Variants in DOK5 observed in about 807,000 individuals in gnomAD.
The protein encoded by DOK5 is downstream of tyrosine kinase 5.
In DOK5, 27 loss-of-function variants were observed where a neutral mutation model predicts 43.3. The ratio of observed to expected loss-of-function variants is 0.62; its 90% CI spans 0.46 to 0.86. DOK5 has a LOEUF of 0.86. DOK5 is among the 40% of genes least tolerant of loss of function. The pLI, the probability that DOK5 is intolerant of heterozygous loss-of-function variation, is 0.00. For missense variants in DOK5, 373 were observed against 392.9 expected (o/e 0.95, Z 0.43); for synonymous variants, 146 against 140.1 (o/e 1.04, Z -0.30).
intron 1 of DOK5, among the ~76,000 whole-genome samples, chr20:54,493,386 C>T (rs1982273236): frequency 1.3e-5 from 2 of 152,174 alleles, no homozygotes; most frequent in Admixed American, 6.5e-5. Context: ...CTTATATGTG[C>T]TCTTCCTATT....
At chr20:54,589,756 C>T (rs918115402) in intron 4 of DOK5, among the ~76,000 whole-genome samples, 2 of 152,120 alleles carry the variant, frequency 1.3e-5, no homozygotes, top group African/African-American at 4.8e-5. Flanking sequence ...AAAATGCTGT[C>T]CCTCCCAATT....
rs11698077 is a variant in DOK5 at position 54,605,024 on chromosome 20, T to G, written c.600-5364T>G. Reference sequence around the variant, plus strand: ...CTCAAAAAAAAAAAATATATATATATACACACACACACACACACACACGTA... The same window carrying G: ...CTCAAAAAAAAAAAATATATATATAGACACACACACACACACACACACGTA... On this transcript the variant is annotated intron_variant, in intron 5 of 7. Coordinates refer to ENST00000262593, the MANE Select transcript of DOK5 (RefSeq NM_018431.5). 9.1e-4 allele frequency among the ~76,000 whole-genome samples: 120 copies of G among 132,470 alleles called. 2 individuals carry two copies. The highest frequency in any genetic ancestry group is 3.7e-3 in the African/African-American group (117 of 31,930). 86.9% of individuals were successfully genotyped at this position (132,470 alleles called of 152,430 possible). A position where few individuals can be genotyped will look rare whatever the true frequency, so the allele number is the denominator to read the frequency against.
At chr20:54,540,283 C>T (rs6098057) in intron 1 of DOK5, among the ~76,000 whole-genome samples, 3,740 of 152,190 alleles carry the variant, frequency 0.025, 149 homozygotes, top group African/African-American at 0.085. Flanking sequence ...TTTGTCCCTA[C>T]GTAATAGAAA....
intron 2 of DOK5, among the ~76,000 whole-genome samples, chr20:54,560,811 G>A (rs557794724): frequency 1.2e-4 from 19 of 152,098 alleles, no homozygotes; most frequent in African/African-American, 3.4e-4. Context: ...TAGTAGAGAC[G>A]GGGTTTCACC....
At chr20:54,618,349 CT>C (rs34232628) in intron 6 of DOK5, among the ~76,000 whole-genome samples, 56,709 of 145,484 alleles carry the variant, frequency 0.39, 12,452 homozygotes, top group African/African-American at 0.6. Context: ...TTTTTTTTCC[CT>C]TTTTTTTTTT....
chr20:54,581,604 A>G (rs1415199708), intron 2 of DOK5, among the ~76,000 whole-genome samples: 1 of 151,824 alleles, frequency 6.6e-6, no homozygotes, highest in East Asian at 1.9e-4. Flanking sequence ...TATTTCATCC[A>G]CTTGGTTATA....
chr20:54,487,759 A>G (rs747586572), intron 1 of DOK5, among the ~76,000 whole-genome samples: 3 of 152,194 alleles, frequency 2.0e-5, no homozygotes, highest in Non-Finnish European at 4.4e-5. Flanking sequence ...ATCACCATGT[A>G]TATGTCACTT....
intron 1 of DOK5, among the ~76,000 whole-genome samples, chr20:54,492,287 C>T (rs1348088525): frequency 6.6e-6 from 1 of 152,044 alleles, no homozygotes; most frequent in Non-Finnish European, 1.5e-5. Context: ...AGTGCGTGTA[C>T]TTGTGTGTAT....
rs184120259 is a variant in DOK5 at position 54,529,293 on chromosome 20, A to G, written c.67-25640A>G. 4.2e-4 allele frequency among the ~76,000 whole-genome samples: 64 copies of G among 152,304 alleles called. No individual in the cohort carries two copies. In the Middle Eastern group the frequency reaches 0.01, roughly 24 times the overall value. On this transcript the variant is annotated intron_variant, in intron 1 of 7. Transcript: ENST00000262593. ...TCCATTGAACAATAATTGCTCTTCA[A>G]TTGCAGTTTTAATATTCTAAACCTC...
At chr20:54,503,466 T>TA (rs1491529670) in intron 1 of DOK5, among the ~76,000 whole-genome samples, 1 of 151,770 alleles carries the variant, frequency 6.6e-6, no homozygotes, top group African/African-American at 2.4e-5. Flanking sequence ...TGATTTTTTT[T>TA]AAAAAAATGG....
intron 6 of DOK5, among the ~76,000 whole-genome samples, chr20:54,618,796 T>C (rs1026694842): frequency 6.6e-6 from 1 of 151,686 alleles, no homozygotes; most frequent in African/African-American, 2.4e-5. Flanking sequence ...GGCAGGAGGA[T>C]TGTTTGAGGC....
intron 6 of DOK5, among the ~76,000 whole-genome samples, chr20:54,634,225 A>G (rs1422924995): frequency 6.8e-6 from 1 of 146,636 alleles, no homozygotes; most frequent in Non-Finnish European, 1.5e-5. Context: ...TTATGAGGAA[A>G]GGGCCTTGGC....
chr20:54,604,108 G>A (rs912559740), intron 5 of DOK5, among the ~76,000 whole-genome samples: 5 of 151,628 alleles, frequency 3.3e-5, no homozygotes, highest in Non-Finnish European at 7.4e-5. Context: ...CACCATGCCC[G>A]GCTAATTTTT....
chr20:54,521,814 T>C (rs1292907102), intron 1 of DOK5, among the ~76,000 whole-genome samples: 1 of 152,156 alleles, frequency 6.6e-6, no homozygotes, highest in African/African-American at 2.4e-5. Flanking sequence ...GTCACCTCAT[T>C]ATCATAAACT....
chr20:54,609,018 G>A (rs1445061030), intron 5 of DOK5, among the ~76,000 whole-genome samples: 2 of 152,170 alleles, frequency 1.3e-5, no homozygotes, highest in East Asian at 1.9e-4. Context: ...TAAAATTCAT[G>A]AAATTTAATT....
intron 1 of DOK5, 197 bp downstream of exon 1, chr20:54,476,209 C>A: frequency 1.0e-6 from 1 of 985,370 alleles, no homozygotes; most frequent in East Asian, 1.1e-4. Flanking sequence ...CTATCTTTAT[C>A]TCTTGGATGA....
intron 1 of DOK5, among the ~76,000 whole-genome samples, chr20:54,553,447 G>A (rs1393425734): frequency 6.6e-6 from 1 of 151,580 alleles, no homozygotes; most frequent in Non-Finnish European, 1.5e-5. Flanking sequence ...CGCCGGCCTC[G>A]GCCTCCCAAA....
At chr20:54,531,611 G>C (rs1326349744) in intron 1 of DOK5, among the ~76,000 whole-genome samples, 1 of 152,174 alleles carries the variant, frequency 6.6e-6, no homozygotes. Flanking sequence ...TCTTGGGGAA[G>C]TCAGGTTCCA....
chr20:54,619,278 G>A (rs1986912995), intron 6 of DOK5, among the ~76,000 whole-genome samples: 1 of 151,562 alleles, frequency 6.6e-6, no homozygotes, highest in Admixed American at 6.6e-5. Context: ...AGGCGGGGAG[G>A]CGAGGACTGT....
Sources: gnomAD v4.1 joint callset for allele counts (sites outside exome capture counted in the v4.1 genomes callset) on GRCh38, gnomAD v4.1.1 for gene constraint, MANE v1.5 for transcripts, NCBI Gene and HGNC (gene_info 2026-07-23, HGNC 2026-07-21) for gene names.